DPYD: variants seen among roughly 807,000 people sequenced by gnomAD.
DPYD encodes the protein dihydropyrimidine dehydrogenase.
DPYD carries 109 observed loss-of-function variants against 116.2 expected under a neutral mutation model. That is an observed-to-expected ratio of 0.94 (90% CI 0.80 to 1.10). DPYD has a LOEUF of 1.10. Ranked by LOEUF, DPYD falls within the 50% of genes least tolerant of loss-of-function variation. The pLI is 0.00. For missense variants in DPYD, 1,302 were observed against 1,254.5 expected (o/e 1.04, Z -0.57); for synonymous variants, 440 against 432.0 (o/e 1.02, Z -0.23).
chr1:97,102,809 T>C (rs1451785496), intron 20 of DPYD, among the ~76,000 whole-genome samples: 1 of 152,026 alleles, frequency 6.6e-6, no homozygotes, highest in Admixed American at 6.6e-5. Flanking sequence ...TAGTGTCAGA[T>C]TGAATTATAT....
chr1:97,793,727 C>A (rs1667430076), intron 3 of DPYD, among the ~76,000 whole-genome samples: 1 of 152,060 alleles, frequency 6.6e-6, no homozygotes, highest in Non-Finnish European at 1.5e-5. Context: ...GAAATGTAAC[C>A]TAGAGCCAAA....
intron 20 of DPYD, among the ~76,000 whole-genome samples, chr1:97,101,232 C>T (rs1278522473): frequency 6.6e-6 from 1 of 151,828 alleles, no homozygotes; most frequent in Non-Finnish European, 1.5e-5. Context: ...ATAGTACCAG[C>T]TTCCAAAACT....
At chr1:97,253,210 G>A (rs538786362) in intron 18 of DPYD, among the ~76,000 whole-genome samples, 1 of 152,164 alleles carries the variant, frequency 6.6e-6, no homozygotes, top group South Asian at 2.1e-4. Context: ...CACACAAATA[G>A]CACTGTAATA....
chr1:97,718,698 CG>C (rs1052025128), intron 5 of DPYD, among the ~76,000 whole-genome samples: 19 of 151,520 alleles, frequency 1.3e-4, no homozygotes, highest in African/African-American at 7.3e-5. Flanking sequence ...TATGTAAAAT[CG>C]TTTTTTTTCA....
intron 16 of DPYD, among the ~76,000 whole-genome samples, chr1:97,349,150 T>C (rs74727720): frequency 0.055 from 8,363 of 152,172 alleles, 266 homozygotes; most frequent in Middle Eastern, 0.12. Context: ...AAAGTACGAA[T>C]AATAGTACAC....
At chr1:97,225,003 G>GTCTATCTATCTATCTA (rs3050227) in intron 19 of DPYD, among the ~76,000 whole-genome samples, 19 of 127,158 alleles carry the variant, frequency 1.5e-4, no homozygotes, top group East Asian at 5.2e-4. Flanking sequence ...CTGTCTGTCT[G>GTCTATCTATCTATCTA]TCTATCTATC....
intron 19 of DPYD, among the ~76,000 whole-genome samples, chr1:97,224,017 T>C (rs940264118): frequency 6.6e-6 from 1 of 152,088 alleles, no homozygotes; most frequent in African/African-American, 2.4e-5. Context: ...TTTTTATAAA[T>C]ATCAGTACCT....
At chr1:97,767,549 C>A (rs1030755279) in intron 3 of DPYD, among the ~76,000 whole-genome samples, 6 of 152,052 alleles carry the variant, frequency 3.9e-5, no homozygotes, top group African/African-American at 1.4e-4. Context: ...ATTTGTCTGA[C>A]GGAGGATGAG....
Position 97,387,947 on chromosome 1 carries a change from T to A in DPYD, c.1906-5486A>T, listed in dbSNP as rs186516444. ...AAAGGTTTAAAGGAGGGTGATAAAA[T>A]AATCTGATGTACATTTTCAAAAGAT... On this transcript the variant is annotated intron_variant, in intron 14 of 22. Transcript: ENST00000370192. Among the ~76,000 whole-genome samples the A allele has an allele frequency of 1.2e-3, 177 of 152,168 alleles. 1 individual carries two copies. Among genetic ancestry groups the A allele is most frequent in the African/African-American group, 4.2e-3 (174 of 41,536 alleles).
At chr1:97,307,600 G>T (rs949003061) in intron 16 of DPYD, among the ~76,000 whole-genome samples, 2 of 151,786 alleles carry the variant, frequency 1.3e-5, no homozygotes, top group Non-Finnish European at 1.5e-5. Context: ...CTTTTAAAAA[G>T]AAGTCTTTGG....
chr1:97,256,263 T>C (rs1265219870), intron 18 of DPYD, among the ~76,000 whole-genome samples: 1 of 152,136 alleles, frequency 6.6e-6, no homozygotes, highest in African/African-American at 2.4e-5. Context: ...CAATGCTGTA[T>C]AGCTCCCAAG....
chr1:97,284,560 C>A (rs1489955959), intron 18 of DPYD, among the ~76,000 whole-genome samples: 1 of 151,840 alleles, frequency 6.6e-6, no homozygotes, highest in Non-Finnish European at 1.5e-5. Context: ...TTTAATTTCC[C>A]AGCAATTAAT....
chr1:97,362,147 C>T (rs941094082), intron 16 of DPYD, among the ~76,000 whole-genome samples: 3 of 152,098 alleles, frequency 2.0e-5, no homozygotes, highest in African/African-American at 7.2e-5. Context: ...ACAAGCATTC[C>T]AATACACCAA....
chr1:97,107,770 GC>G (rs1337116818), intron 20 of DPYD, among the ~76,000 whole-genome samples: 2 of 152,046 alleles, frequency 1.3e-5, no homozygotes, highest in Admixed American at 1.3e-4. Context: ...GTGCTATCCT[GC>G]CACTCATACT....
chr1:97,106,573 T>G (rs904932464), intron 20 of DPYD, among the ~76,000 whole-genome samples: 2 of 152,114 alleles, frequency 1.3e-5, no homozygotes, highest in African/African-American at 2.4e-5. Context: ...GCCTTTGGAC[T>G]GTAGGCCTTA....
intron 8 of DPYD, among the ~76,000 whole-genome samples, chr1:97,638,175 C>T (rs1179871553): frequency 1.3e-5 from 2 of 152,108 alleles, no homozygotes. Context: ...ATGAGAATCA[C>T]ATGCATAACA....
At chr1:97,465,031 C>T (rs532741808) in intron 13 of DPYD, among the ~76,000 whole-genome samples, 2 of 152,276 alleles carry the variant, frequency 1.3e-5, no homozygotes, top group East Asian at 3.9e-4. Flanking sequence ...CTGGTGAAGG[C>T]CATGAAAGCC....
In DPYD at chr1:97,694,681, C is replaced by A. The variant is rs187217660; in HGVS notation, c.681-2883G>T. On this transcript the variant is annotated intron_variant, in intron 6 of 22. Transcript: ENST00000370192. ...CATCACACACTATTCCCTTTCCAGC[C>A]CCACACCAAGCCCAGATGCAGGCAG... Among the ~76,000 whole-genome samples the A allele has an allele frequency of 1.6e-3, 249 of 152,136 alleles. 3 individuals are homozygous for A. The highest frequency in any genetic ancestry group is 5.5e-3 in the African/African-American group (230 of 41,500).
intron 8 of DPYD, among the ~76,000 whole-genome samples, chr1:97,641,282 T>G (rs1344140340): frequency 6.6e-6 from 1 of 152,130 alleles, no homozygotes; most frequent in East Asian, 1.9e-4. Flanking sequence ...AGTACAGGAC[T>G]GAGAACTTCT....
Sources: allele counts gnomAD v4.1 joint callset (sites outside exome capture counted in the v4.1 genomes callset), GRCh38; gene constraint gnomAD v4.1.1; transcripts MANE v1.5; gene names NCBI Gene and HGNC (gene_info 2026-07-23, HGNC 2026-07-21).